MYH15: variants seen among roughly 807,000 people sequenced by gnomAD.
The protein encoded by MYH15 is myosin heavy chain 15.
MYH15 carries 227 observed loss-of-function variants against 240.5 expected under a neutral mutation model. The observed-to-expected ratio is 0.94, with a 90% confidence interval of 0.85 to 1.05. The LOEUF is 1.05. MYH15 is among the 50% of genes least tolerant of loss of function. The probability of loss-of-function intolerance (pLI) is 0.00; values close to 1 mark genes in which losing one functional copy is unlikely to be tolerated. For missense variants in MYH15, 2,217 were observed against 2,247.5 expected (o/e 0.99, Z 0.27); for synonymous variants, 785 against 796.7 (o/e 0.99, Z 0.25).
intron 32 of MYH15, among the ~76,000 whole-genome samples, chr3:108,407,177 A>G (rs1012766231): frequency 3.9e-5 from 6 of 152,218 alleles, no homozygotes; most frequent in East Asian, 1.9e-4. Context: ...AGAGGGTAAT[A>G]TGGACACATT....
intron 2 of MYH15, among the ~76,000 whole-genome samples, chr3:108,505,061 T>C (rs2083464565): frequency 6.6e-6 from 1 of 152,224 alleles, no homozygotes; most frequent in African/African-American, 2.4e-5. Flanking sequence ...CATCTCATTC[T>C]TGATCCTACA....
chr3:108,502,379 C>T (rs554705669), intron 2 of MYH15, among the ~76,000 whole-genome samples: 1 of 152,158 alleles, frequency 6.6e-6, no homozygotes, highest in Non-Finnish European at 1.5e-5. Flanking sequence ...TACATTAATA[C>T]TCTTTTGTAT....
chr3:108,398,862 T>C (rs750902646), intron 34 of MYH15, 22 bp from the exon 35 acceptor site: 1 of 1,610,042 alleles, frequency 6.2e-7, no homozygotes, highest in Non-Finnish European at 8.5e-7. Context: ...AAGATGGGTC[T>C]GGAGTACAGA....
intron 3 of MYH15, 77 bp from the exon 4 acceptor site, chr3:108,500,351 T>C: frequency 6.9e-7 from 1 of 1,444,562 alleles, no homozygotes; most frequent in Non-Finnish European, 9.4e-7. Context: ...CAGTGTCAAG[T>C]AATATTTGCT....
At chr3:108,429,351 A>G (rs1432248192) in intron 26 of MYH15, among the ~76,000 whole-genome samples, 3 of 152,248 alleles carry the variant, frequency 2.0e-5, no homozygotes, top group African/African-American at 7.2e-5. Flanking sequence ...TGTAAGAAAT[A>G]GCATCAATTT....
chr3:108,472,317 C>T (rs368156885), intron 12 of MYH15, among the ~76,000 whole-genome samples: 4 of 152,188 alleles, frequency 2.6e-5, no homozygotes, highest in African/African-American at 7.2e-5. Context: ...GGAAACAGAA[C>T]GTGCTCCAAT....
intron 21 of MYH15, among the ~76,000 whole-genome samples, chr3:108,446,865 A>G (rs2082932681): frequency 6.6e-6 from 1 of 152,196 alleles, no homozygotes; most frequent in Non-Finnish European, 1.5e-5. Flanking sequence ...TAAAAAGAAT[A>G]AAATAAATCC....
chr3:108,413,446 T>C (rs1380903053), intron 30 of MYH15, among the ~76,000 whole-genome samples: 1 of 152,190 alleles, frequency 6.6e-6, no homozygotes, highest in Non-Finnish European at 1.5e-5. Context: ...AAGAGAAATG[T>C]ATTGATCTTC....
rs369018021 is a variant in MYH15, at chr3:108,381,548, T to C, written c.5778A>G (p.Glu1926=). ...AREFGKKVQE[E] The stretch of plus-strand genomic sequence containing the variant: ...TGTCCTTTCAAAGCAGGGGATGCTA[T>C]TCTTCTTGAACCTGAAAAACAGAAT... The change falls in exon 41 of 41, where the codon GAA becomes GAG. Residue 1926 remains glutamate, a synonymous_variant. Coordinates refer to ENST00000693548, the MANE Select transcript of MYH15 (RefSeq NM_014981.3). The C allele has an allele frequency of 2.5e-6, 4 of 1,613,856 alleles. No individual in the cohort carries two copies. The African/African-American group carries it at 5.3e-5, about 22-fold the overall frequency.
At position 108,501,823 on chromosome 3, in the gene MYH15, C is replaced by T. The variant is rs1469112768; in HGVS notation, c.228G>A (p.Gln76=). ...SLSIKEDKIQ[Q]MNPPEFEMIE... ...TCATTTCAAACTCTGGAGGATTCAT[C>T]TGCTGGATTTTGTCCTCCTTTATGC... The change falls in exon 3 of 41, where the codon CAG becomes CAA. Residue 76 remains glutamine (Q), a synonymous_variant. Transcript: ENST00000693548. 6.2e-7 allele frequency: 1 copy of T among 1,614,082 alleles called. No individual in the cohort carries two copies.
At chr3:108,471,330 T>C (rs774666939) in intron 12 of MYH15, among the ~76,000 whole-genome samples, 4 of 152,082 alleles carry the variant, frequency 2.6e-5, no homozygotes, top group Non-Finnish European at 1.5e-5. Context: ...ACCTAAGAGT[T>C]TGTTAAAAAT....
intron 21 of MYH15, among the ~76,000 whole-genome samples, chr3:108,452,826 A>T (rs546546719): frequency 4.2e-4 from 64 of 152,294 alleles, no homozygotes; most frequent in Admixed American, 1.7e-3. Context: ...CAGAAAAAAA[A>T]TATTGAGTTG....
chr3:108,395,678 G>C (rs974571817), intron 35 of MYH15, among the ~76,000 whole-genome samples: 6 of 137,904 alleles, frequency 4.4e-5, no homozygotes, highest in Non-Finnish European at 7.6e-5. Context: ...GAAGTGCTTT[G>C]CAGAAAGGTA....
intron 25 of MYH15, among the ~76,000 whole-genome samples, chr3:108,431,754 AG>A (rs1442801055): frequency 1.3e-5 from 2 of 152,236 alleles, no homozygotes; most frequent in African/African-American, 4.8e-5. Flanking sequence ...AGAAGAAGAA[AG>A]GAAAATGCGG....
At chr3:108,415,429 C>T (rs76583829) in intron 29 of MYH15, among the ~76,000 whole-genome samples, 134 of 152,224 alleles carry the variant, frequency 8.8e-4, no homozygotes, top group African/African-American at 3.0e-3. Flanking sequence ...ACTGTGACCT[C>T]TCCTCTTGTT....
chr3:108,514,001 C>A (rs2083540796), upstream of MYH15, among the ~76,000 whole-genome samples: 1 of 152,274 alleles, frequency 6.6e-6, no homozygotes, highest in Non-Finnish European at 1.5e-5. Context: ...CCAGGTGTAT[C>A]TTAGTTACCA....
intron 11 of MYH15, among the ~76,000 whole-genome samples, chr3:108,478,643 C>T (rs1334431061): frequency 6.8e-6 from 1 of 148,104 alleles, no homozygotes; most frequent in East Asian, 2.0e-4. Flanking sequence ...CAGTAACCAA[C>T]AATGTGAAAA....
chr3:108,381,327 A>G lies in MYH15; in HGVS notation c.*218T>C. On this transcript the variant is annotated 3_prime_UTR_variant, in exon 41 of 41. Transcript: ENST00000693548. ...TATTTAATCTGTCATGTGAAGCATT[A>G]GAAGGTAGTTTACTTGCATTTGAGG... is the stretch of plus-strand genomic sequence containing the variant. The G allele has an allele frequency of 1.7e-6, 1 of 599,742 alleles. No individual in the cohort carries two copies. 37.2% of individuals were successfully genotyped at this position (599,742 alleles called of 1,614,324 possible). A position where few individuals can be genotyped will look rare whatever the true frequency, so the allele number is the denominator to read the frequency against.
intron 33 of MYH15, 102 bp downstream of exon 33, chr3:108,405,236 A>G (rs1423635254): frequency 2.0e-6 from 1 of 512,076 alleles, no homozygotes; most frequent in African/African-American, 1.9e-5. Flanking sequence ...TTCTTTGGTA[A>G]TGCTCCAACA....
Sources: allele counts gnomAD v4.1 joint callset (sites outside exome capture counted in the v4.1 genomes callset), GRCh38; gene constraint gnomAD v4.1.1; transcripts MANE v1.5; gene names NCBI Gene and HGNC (gene_info 2026-07-23, HGNC 2026-07-21).